Variants in AKAP10 observed in about 807,000 individuals in gnomAD.
The protein encoded by AKAP10 is A-kinase anchor protein 10, mitochondrial.
In AKAP10, 24 loss-of-function variants were observed where a neutral mutation model predicts 80.8. The ratio of observed to expected loss-of-function variants is 0.30; its 90% CI spans 0.22 to 0.42. The LOEUF is 0.42. AKAP10 is among the 10% of genes least tolerant of loss of function. The pLI is 1.00. For synonymous variants in AKAP10, 291 were observed against 277.7 expected, an observed-to-expected ratio of 1.05 and a Z score of -0.48; for missense variants, 661 against 794.9, an observed-to-expected ratio of 0.83 and a Z score of 2.03.
rs117640861 is a variant in AKAP10 at position 19,950,308 on chromosome 17, G to A, written c.878-2803C>T. ...GAAAGCAAAAAAGGGGCTCTCCCTCGTCTCCCTCTCCCTCTCCCCGGTCTC... is the reference window on the plus strand; with the variant it reads ...GAAAGCAAAAAAGGGGCTCTCCCTCATCTCCCTCTCCCTCTCCCCGGTCTC... On this transcript the variant is annotated intron_variant, in intron 4 of 14. Transcript: ENST00000225737. Among the ~76,000 whole-genome samples, 419 of 152,270 alleles carry A rather than the reference G, an allele frequency of 2.8e-3. 15 individuals are homozygous for A. The East Asian group carries it at 0.074, about 27-fold the overall frequency.
intron 14 of AKAP10, among the ~76,000 whole-genome samples, chr17:19,906,996 T>C (rs763290157): frequency 6.6e-6 from 1 of 151,404 alleles, no homozygotes; most frequent in Non-Finnish European, 1.5e-5. Context: ...AAAACTCAGC[T>C]AGTTCTTCGA....
intron 5 of AKAP10, among the ~76,000 whole-genome samples, chr17:19,942,336 ATACATACTCAC>A (rs2043058718): frequency 1.3e-5 from 2 of 152,204 alleles, no homozygotes; most frequent in African/African-American, 4.8e-5. Context: ...GTGAAAAGAC[ATACATACTCAC>A]TAGTAATCAA....
rs1555576960 is a variant in AKAP10, at chr17:19,947,516, A to G, written c.878-11T>C. The G allele has an allele frequency of 2.5e-6, 4 of 1,597,396 alleles. No individual in the cohort carries two copies. Among genetic ancestry groups the G allele is most frequent in the East Asian group, 4.5e-5 (2 of 44,766 alleles). The stretch of plus-strand genomic sequence containing the variant: ...CATCTTGTTCTATACCTGCAAGGGA[A>G]GAAGAGAACTTCAAAAACCAAAAAG... On this transcript the variant is annotated splice_polypyrimidine_tract_variant and intron_variant, in intron 4 of 14. Coordinates refer to ENST00000225737, the MANE Select transcript of AKAP10 (RefSeq NM_007202.4).
rs114443271 is a variant in AKAP10 at position 19,946,729 on chromosome 17, G to T, written c.976+678C>A. Among the ~76,000 whole-genome samples, 1,057 of 150,860 alleles carry T rather than the reference G, an allele frequency of 7.0e-3. 11 individuals are homozygous for T. The highest frequency in any genetic ancestry group is 0.024 in the African/African-American group (976 of 40,976). On this transcript the variant is annotated intron_variant, in intron 5 of 14. Transcript: ENST00000225737. ...GAAGAATAAAGTTACGTGAAACTGG[G>T]ACTGGACATGAGGCTGCCCTCCTCC... is the stretch of plus-strand genomic sequence containing the variant.
At chr17:19,910,843 G>A (rs2042682559) in intron 12 of AKAP10, among the ~76,000 whole-genome samples, 1 of 152,184 alleles carries the variant, frequency 6.6e-6, no homozygotes, top group Non-Finnish European at 1.5e-5. Flanking sequence ...CCAAGCCAGA[G>A]TACGCCTTAA....
intron 14 of AKAP10, among the ~76,000 whole-genome samples, chr17:19,908,386 T>A (rs203463): frequency 0.99 from 151,458 of 152,286 alleles, 75,345 homozygotes; most frequent in Middle Eastern, 1. Flanking sequence ...TGTGTATTAC[T>A]AAGTCTCTCT....
At chr17:19,949,186 G>A (rs2043170198) in intron 4 of AKAP10, among the ~76,000 whole-genome samples, 1 of 151,910 alleles carries the variant, frequency 6.6e-6, no homozygotes, top group South Asian at 2.1e-4. Context: ...ACAAATAAGA[G>A]TTTCAGGAGC....
At chr17:19,922,356 C>T (rs767635850) in intron 11 of AKAP10, among the ~76,000 whole-genome samples, 10 of 152,036 alleles carry the variant, frequency 6.6e-5, no homozygotes, top group Non-Finnish European at 1.2e-4. Context: ...ATTTACTTGC[C>T]TTGAGAAAAA....
intron 14 of AKAP10, among the ~76,000 whole-genome samples, chr17:19,907,410 C>CTTTTTT (rs59027197): frequency 2.9e-5 from 4 of 136,412 alleles, no homozygotes; most frequent in Non-Finnish European, 3.2e-5. Context: ...TTTTCTTTAA[C>CTTTTTT]TTTTTTTTTT....
At chr17:19,943,375 G>A (rs1344462043) in intron 5 of AKAP10, among the ~76,000 whole-genome samples, 3 of 152,184 alleles carry the variant, frequency 2.0e-5, no homozygotes, top group Non-Finnish European at 4.4e-5. Context: ...CCCGGGATGA[G>A]GGGGCTGAAG....
At chr17:19,936,224 T>C (rs1028020599) in intron 9 of AKAP10, 62 bp downstream of exon 9, 3 of 1,542,800 alleles carry the variant, frequency 1.9e-6, no homozygotes, top group African/African-American at 2.7e-5. Context: ...TCCCACCTTA[T>C]ATTTTATGAG....
chr17:19,961,116 TG>T (rs1221625621), intron 3 of AKAP10, among the ~76,000 whole-genome samples: 2 of 147,434 alleles, frequency 1.4e-5, no homozygotes, highest in African/African-American at 5.0e-5. Context: ...CCTACGCAAG[TG>T]GATCGCTTGA....
chr17:19,938,158 C>T (rs2043012669), intron 8 of AKAP10, among the ~76,000 whole-genome samples: 1 of 151,864 alleles, frequency 6.6e-6, no homozygotes, highest in Non-Finnish European at 1.5e-5. Context: ...AACTCCTGAC[C>T]TCAAGTGATC....
At chr17:19,921,133 C>T (rs982656337) in intron 11 of AKAP10, among the ~76,000 whole-genome samples, 2 of 150,736 alleles carry the variant, frequency 1.3e-5, no homozygotes, top group African/African-American at 4.9e-5. Flanking sequence ...ATCTCATTAG[C>T]AAACACTTAA....
intron 12 of AKAP10, among the ~76,000 whole-genome samples, chr17:19,912,000 G>A (rs1389899679): frequency 6.6e-6 from 1 of 152,026 alleles, no homozygotes; most frequent in Non-Finnish European, 1.5e-5. Flanking sequence ...CACTACATTG[G>A]GCACGTGCTC....
chr17:19,925,596 T>A (rs1017427231), intron 10 of AKAP10, among the ~76,000 whole-genome samples: 2 of 152,200 alleles, frequency 1.3e-5, no homozygotes, highest in Non-Finnish European at 2.9e-5. Context: ...ACAAGATTAT[T>A]CACTGCAGCA....
intron 4 of AKAP10, 150 bp downstream of exon 4, chr17:19,957,864 A>T (rs952418770): frequency 1.3e-6 from 1 of 798,424 alleles, no homozygotes; most frequent in Non-Finnish European, 1.9e-6. Flanking sequence ...ATCTGACTCT[A>T]CTACACTCTC....
chr17:19,942,393 T>G (rs1399966673), intron 5 of AKAP10, among the ~76,000 whole-genome samples: 2 of 152,176 alleles, frequency 1.3e-5, no homozygotes, highest in Non-Finnish European at 2.9e-5. Flanking sequence ...ACCTTTTATC[T>G]AGTAAACTGG....
At chr17:19,916,213 T>C (rs1012249735) in intron 12 of AKAP10, among the ~76,000 whole-genome samples, 1 of 152,142 alleles carries the variant, frequency 6.6e-6, no homozygotes, top group African/African-American at 2.4e-5. Flanking sequence ...ACCTCGAAAA[T>C]AGCACTCCCT....
Sources: gnomAD v4.1 joint callset for allele counts (sites outside exome capture counted in the v4.1 genomes callset) on GRCh38, gnomAD v4.1.1 for gene constraint, MANE v1.5 for transcripts, NCBI Gene and HGNC (gene_info 2026-07-23, HGNC 2026-07-21) for gene names.